SLMAP: variants seen among roughly 807,000 people sequenced by gnomAD.
SLMAP encodes sarcolemmal membrane-associated protein.
In SLMAP, 44 loss-of-function variants were observed where a neutral mutation model predicts 128.8. The observed-to-expected ratio is 0.34, with a 90% confidence interval of 0.27 to 0.44. The LOEUF (loss-of-function observed/expected upper bound fraction) is 0.44. Among genes scored for constraint, SLMAP ranks in the 20% least tolerant of loss-of-function variants. The pLI is 1.00. For synonymous variants in SLMAP, 327 were observed against 348.8 expected, an observed-to-expected ratio of 0.94 and a Z score of 0.70; for missense variants, 787 against 985.3, an observed-to-expected ratio of 0.80 and a Z score of 2.69.
intron 12 of SLMAP, 150 bp downstream of exon 12, chr3:57,865,007 A>G (rs1442277612): frequency 2.8e-6 from 2 of 704,208 alleles, no homozygotes; most frequent in African/African-American, 1.8e-5. Flanking sequence ...CTTTAAAAAT[A>G]TGCTTGATTG....
At chr3:57,906,308 T>A (rs902916608) in intron 17 of SLMAP, among the ~76,000 whole-genome samples, 2 of 97,676 alleles carry the variant, frequency 2.0e-5, no homozygotes, top group Non-Finnish European at 4.5e-5. Flanking sequence ...TTCTTTTTTT[T>A]TCTTTTTTTT....
chr3:57,896,710 ATC>A (rs1477020382), intron 16 of SLMAP, 119 bp downstream of exon 16: 1 of 1,265,184 alleles, frequency 7.9e-7, no homozygotes. Context: ...GCTTCCATTT[ATC>A]AAGTCATCCC....
intron 14 of SLMAP, among the ~76,000 whole-genome samples, chr3:57,874,204 A>G (rs1002308685): frequency 6.6e-6 from 1 of 151,948 alleles, no homozygotes; most frequent in African/African-American, 2.4e-5. Context: ...AGGTGGGAGG[A>G]CCCCCTGAGC....
chr3:57,924,914 C>T (rs1038327698), intron 23 of SLMAP, among the ~76,000 whole-genome samples: 1 of 150,842 alleles, frequency 6.6e-6, no homozygotes, highest in Non-Finnish European at 1.5e-5. Flanking sequence ...AGAGCATCAG[C>T]TGGTGGTGAA....
intron 2 of SLMAP, among the ~76,000 whole-genome samples, chr3:57,781,424 C>G (rs1369069336): frequency 6.6e-6 from 1 of 152,002 alleles, no homozygotes; most frequent in East Asian, 1.9e-4. Flanking sequence ...GGGAGATTTT[C>G]TAAGATATAA....
chr3:57,775,334 G>A (rs1370278591), intron 2 of SLMAP, among the ~76,000 whole-genome samples: 1 of 151,826 alleles, frequency 6.6e-6, no homozygotes, highest in Non-Finnish European at 1.5e-5. Context: ...GGGCCACCGC[G>A]CCCGGCGAAA....
chr3:57,867,474 A>G (rs2153609391), intron 13 of SLMAP, among the ~76,000 whole-genome samples: 1 of 152,088 alleles, frequency 6.6e-6, no homozygotes, highest in East Asian at 1.9e-4. Context: ...CTTAAAGGTA[A>G]CTCCTTGCCA....
chr3:57,800,968 C>A, intron 2 of SLMAP: 1 of 288,196 alleles, frequency 3.5e-6, no homozygotes, highest in Non-Finnish European at 6.9e-6. Flanking sequence ...CATACATATG[C>A]ATTGATCCTA....
At chr3:57,799,485 A>G (rs1425427780) in intron 2 of SLMAP, among the ~76,000 whole-genome samples, 3 of 152,178 alleles carry the variant, frequency 2.0e-5, no homozygotes, top group Admixed American at 2.0e-4. Context: ...TCTGCTAATA[A>G]TTTGGGTCCT....
intron 2 of SLMAP, among the ~76,000 whole-genome samples, chr3:57,779,519 AAAAAAAC>A (rs1192553765): frequency 4.0e-5 from 6 of 151,746 alleles, no homozygotes; most frequent in Non-Finnish European, 7.4e-5. Context: ...AAAAAAAAAA[AAAAAAAC>A]AAAAATAAAA....
intron 5 of SLMAP, among the ~76,000 whole-genome samples, chr3:57,849,229 A>G (rs970252865): frequency 8.5e-5 from 13 of 152,054 alleles, no homozygotes; most frequent in African/African-American, 3.1e-4. Context: ...CCATGGTTCT[A>G]TATTCTACAG....
At chr3:57,915,362 A>T (rs1463298670) in intron 21 of SLMAP, among the ~76,000 whole-genome samples, 1 of 152,234 alleles carries the variant, frequency 6.6e-6, no homozygotes, top group African/African-American at 2.4e-5. Flanking sequence ...CCTATAAGTC[A>T]TTGGTCAGAT....
intron 22 of SLMAP, chr3:57,918,226 C>A (rs1481683137): frequency 6.6e-6 from 1 of 152,184 alleles, no homozygotes; most frequent in Non-Finnish European, 1.5e-5. Context: ...ATACTGTAAG[C>A]ACTTTGTGTC....
intron 14 of SLMAP, among the ~76,000 whole-genome samples, chr3:57,885,972 C>CG (rs971344848): frequency 6.7e-6 from 1 of 149,438 alleles, no homozygotes; most frequent in African/African-American, 2.5e-5. Context: ...TTAGTAGAGA[C>CG]GGGGTTTCAC....
At chr3:57,768,769 C>T (rs2080225047) in intron 2 of SLMAP, among the ~76,000 whole-genome samples, 1 of 151,896 alleles carries the variant, frequency 6.6e-6, no homozygotes, top group African/African-American at 2.4e-5. Flanking sequence ...AGCATATTAC[C>T]CTCCATAATG....
chr3:57,907,951 G>T lies in SLMAP; in HGVS notation c.1569G>T (p.Leu523Phe), dbSNP rs1317785636. 1.2e-6 allele frequency: 2 copies of T among 1,613,576 alleles called. No homozygotes were observed. The highest frequency in any genetic ancestry group is 1.7e-6 in the Non-Finnish European group (2 of 1,179,640). Residue 523 changes from leucine (L) to phenylalanine (F), a missense_variant, in exon 18 of 25, where the codon TTG becomes TTT. Coordinates refer to ENST00000671191, the MANE Select transcript of SLMAP (RefSeq NM_001377540.1). ...AAATACAGCATCTTCGAAAGGAATT[G>T]ATCGAAGCCCAGGAGCTAGCTAGAA... ...KQEIQHLRKE[L>F]IEAQELARTS... is the part of the protein sequence containing the mutation.
intron 2 of SLMAP, among the ~76,000 whole-genome samples, chr3:57,825,166 A>G (rs2092823149): frequency 6.6e-6 from 1 of 151,280 alleles, no homozygotes. Context: ...TTTTCTATAT[A>G]TAGGATCATG....
At chr3:57,827,878 A>G (rs2093034459) in intron 2 of SLMAP, among the ~76,000 whole-genome samples, 1 of 152,244 alleles carries the variant, frequency 6.6e-6, no homozygotes, top group African/African-American at 2.4e-5. Context: ...ATCAAGTAAT[A>G]TATCTACTTG....
chr3:57,807,129 T>G (rs1297704547), intron 2 of SLMAP, among the ~76,000 whole-genome samples: 1 of 152,222 alleles, frequency 6.6e-6, no homozygotes, highest in South Asian at 2.1e-4. Context: ...ATGTTGAGCT[T>G]TCTTTCATAT....
Sources: gnomAD v4.1 joint callset for allele counts (sites outside exome capture counted in the v4.1 genomes callset) on GRCh38, gnomAD v4.1.1 for gene constraint, MANE v1.5 for transcripts, NCBI Gene and HGNC (gene_info 2026-07-23, HGNC 2026-07-21) for gene names.